LIPJ: variants seen among roughly 807,000 people sequenced by gnomAD.
The protein encoded by LIPJ is lipase family member J, also known as lipase member J.
LIPJ carries 33 observed loss-of-function variants against 39.8 expected under a neutral mutation model. That is an observed-to-expected ratio of 0.83 (90% CI 0.63 to 1.11). LIPJ has a LOEUF of 1.11. LIPJ is among the 50% of genes least tolerant of loss of function. The pLI is 0.00. For synonymous variants in LIPJ, 128 were observed against 139.2 expected (o/e 0.92, Z 0.57); for missense variants, 422 against 427.9 (o/e 0.99, Z 0.12).
chr10:88,613,977 T>A, the LIPJ span, among the ~76,000 whole-genome samples: 3 of 150,610 alleles, frequency 2.0e-5, no homozygotes, highest in Non-Finnish European at 3.0e-5. Context: ...ATGTTTTTAG[T>A]TTAAAAATTA....
At chr10:88,608,901 TACA>T (rs1402273422), downstream of LIPJ, among the ~76,000 whole-genome samples, 1 of 152,244 alleles carries the variant, frequency 6.6e-6, no homozygotes, top group Non-Finnish European at 1.5e-5. Context: ...GCATAGGGTG[TACA>T]ACAAGTAAAT....
At chr10:88,597,296 CT>C (rs1160036427) in intron 8 of LIPJ, among the ~76,000 whole-genome samples, 8 of 151,896 alleles carry the variant, frequency 5.3e-5, no homozygotes, top group African/African-American at 1.9e-4. Flanking sequence ...CTCCTGGTTC[CT>C]AATACTCCTT....
exon 8 of LIPJ, chr10:88,596,919 C>T (rs746288890): frequency 2.0e-6 from 3 of 1,528,746 alleles, no homozygotes; most frequent in Admixed American, 3.9e-5. Flanking sequence ...TGGATATGAC[C>T]CAAAAAACTT....
At chr10:88,587,362 T>C (rs546445588) in exon 2 of LIPJ, 1 of 152,280 alleles carries the variant, frequency 6.6e-6, no homozygotes, top group African/African-American at 2.4e-5. Flanking sequence ...GACACATATA[T>C]TGGACACTTA....
the LIPJ span, among the ~76,000 whole-genome samples, chr10:88,616,626 G>A: frequency 6.6e-6 from 1 of 152,212 alleles, no homozygotes; most frequent in Non-Finnish European, 1.5e-5. Context: ...AGAAGAAGTG[G>A]ACGCCCACCA....
At chr10:88,597,663 CAT>C (rs1851305579) in intron 8 of LIPJ, among the ~76,000 whole-genome samples, 1 of 151,882 alleles carries the variant, frequency 6.6e-6, no homozygotes, top group African/African-American at 2.4e-5. Flanking sequence ...GCCACAAGGA[CAT>C]GTTTGTTGAC....
At chr10:88,590,778 T>A (rs1195556970) in intron 3 of LIPJ, 82 bp downstream of exon 3, 20 of 1,025,430 alleles carry the variant, frequency 2.0e-5, no homozygotes, top group Non-Finnish European at 3.0e-5. Context: ...ACTTAATAGA[T>A]TTACAGTCAA....
the LIPJ span, among the ~76,000 whole-genome samples, chr10:88,621,513 A>C: frequency 6.6e-6 from 1 of 152,216 alleles, no homozygotes; most frequent in Non-Finnish European, 1.5e-5. Flanking sequence ...AGAGATAAGA[A>C]GAGATCTGGT....
At chr10:88,615,610 A>G in the LIPJ span, among the ~76,000 whole-genome samples, 57 of 136,352 alleles carry the variant, frequency 4.2e-4, no homozygotes, top group African/African-American at 1.5e-3. Flanking sequence ...CTCCAGCAAC[A>G]GTGTGAGACT....
Position 88,601,514 on chromosome 10 carries a change from T to C in LIPJ, c.724-1062T>C, listed in dbSNP as rs193177019. ...TCTATAGCACCCACACAGACCGATT[T>C]CTGTTTCTTCTGCCCAGCAAGACTA... On this transcript the variant is annotated intron_variant, in intron 8 of 10. Coordinates refer to ENST00000371939, the Ensembl canonical transcript of LIPJ. Among the ~76,000 whole-genome samples the C allele has an allele frequency of 3.9e-5, 6 of 152,268 alleles. 1 individual carries two copies. The highest frequency in any genetic ancestry group is 1.4e-4 in the African/African-American group (6 of 41,570).
the LIPJ span, among the ~76,000 whole-genome samples, chr10:88,616,925 T>C: frequency 6.6e-6 from 1 of 152,154 alleles, no homozygotes; most frequent in Admixed American, 6.5e-5. Context: ...TGGTGCTCAG[T>C]CTCTGCTTGG....
At chr10:88,598,064 A>C (rs963047772) in intron 8 of LIPJ, among the ~76,000 whole-genome samples, 1 of 152,028 alleles carries the variant, frequency 6.6e-6, no homozygotes, top group Admixed American at 6.6e-5. Flanking sequence ...GTAGATTGTA[A>C]TATGACTGTG....
chr10:88,593,899 T>G, intron 4 of LIPJ, 47 bp from the exon 5 acceptor site: 2 of 1,496,780 alleles, frequency 1.3e-6, no homozygotes, highest in Non-Finnish European at 1.8e-6. Flanking sequence ...GATTTTCATA[T>G]AGATAACTAC....
chr10:88,615,311 C>G, the LIPJ span, among the ~76,000 whole-genome samples: 1,025 of 152,264 alleles, frequency 6.7e-3, 27 homozygotes, highest in South Asian at 0.083. Context: ...TCAAATCTCT[C>G]TGATAAACAG....
chr10:88,613,798 A>ATATATATATATATG, the LIPJ span, among the ~76,000 whole-genome samples: 9 of 52,038 alleles, frequency 1.7e-4, no homozygotes, highest in Non-Finnish European at 3.7e-4. Flanking sequence ...ATATATATAT[A>ATATATATATATATG]TATGTGTGTG....
chr10:88,583,196 G>C (rs756949915), upstream of LIPJ: 3 of 1,613,636 alleles, frequency 1.9e-6, no homozygotes, highest in African/African-American at 4.0e-5. Context: ...GCCATGGCGA[G>C]AGGGAGCAGC....
chr10:88,599,528 C>T (rs935692344), intron 8 of LIPJ, among the ~76,000 whole-genome samples: 1 of 151,778 alleles, frequency 6.6e-6, no homozygotes, highest in African/African-American at 2.4e-5. Context: ...CCATACAGTA[C>T]TTGTCTTTCT....
At chr10:88,603,167 T>G (rs1472771055) in intron 9 of LIPJ, among the ~76,000 whole-genome samples, 1 of 152,130 alleles carries the variant, frequency 6.6e-6, no homozygotes, top group Non-Finnish European at 1.5e-5. Context: ...TACAGCAATA[T>G]AAATATCAGT....
chr10:88,605,243 C>T (rs764655266), intron 9 of LIPJ, among the ~76,000 whole-genome samples: 28 of 151,998 alleles, frequency 1.8e-4, no homozygotes, highest in Non-Finnish European at 3.7e-4. Flanking sequence ...ACTCTTGAGC[C>T]CTATTGTTTG....
Sources: allele counts gnomAD v4.1 joint callset (sites outside exome capture counted in the v4.1 genomes callset), GRCh38; gene constraint gnomAD v4.1.1; transcripts MANE v1.5; gene names NCBI Gene and HGNC (gene_info 2026-07-23, HGNC 2026-07-21).